CDH18: variants seen among roughly 807,000 people sequenced by gnomAD.
CDH18 encodes cadherin 18.
A neutral mutation model predicts 67.9 loss-of-function variants in CDH18; 31 were observed. The observed-to-expected ratio is 0.46, with a 90% CI of 0.34 to 0.62. The LOEUF (loss-of-function observed/expected upper bound fraction) is 0.62. Among genes scored for constraint, CDH18 ranks in the 20% least tolerant of loss-of-function variants. The pLI, the probability that CDH18 is intolerant of heterozygous loss-of-function variation, is 0.01. For missense variants in CDH18, 890 were observed against 975.5 expected (o/e 0.91, Z 1.17); for synonymous variants, 362 against 347.2 (o/e 1.04, Z -0.48).
At chr5:19,875,908 C>T (rs1014596527) in intron 2 of CDH18, among the ~76,000 whole-genome samples, 13 of 150,526 alleles carry the variant, frequency 8.6e-5, no homozygotes, top group Middle Eastern at 3.5e-3. Context: ...TTTTTTTATA[C>T]ACAGACTACA....
intron 1 of CDH18, among the ~76,000 whole-genome samples, chr5:20,539,812 A>C (rs986865766): frequency 2.0e-5 from 3 of 151,784 alleles, no homozygotes; most frequent in African/African-American, 7.3e-5. Flanking sequence ...CACAACCATG[A>C]AGTAATTTAC....
chr5:19,782,396 C>T (rs1007178626), intron 3 of CDH18, among the ~76,000 whole-genome samples: 1 of 152,132 alleles, frequency 6.6e-6, no homozygotes, highest in African/African-American at 2.4e-5. Context: ...ATGGAGATTA[C>T]AATTCACAGT....
intron 2 of CDH18, among the ~76,000 whole-genome samples, chr5:19,900,909 C>A (rs1314035440): frequency 2.0e-5 from 3 of 151,998 alleles, no homozygotes; most frequent in Non-Finnish European, 4.4e-5. Flanking sequence ...ACGAGCCTTC[C>A]AAGAATATCA....
chr5:19,551,399 A>G (rs1737425145), intron 8 of CDH18, among the ~76,000 whole-genome samples: 1 of 152,174 alleles, frequency 6.6e-6, no homozygotes, highest in African/African-American at 2.4e-5. Context: ...ATATCAAGCC[A>G]TAGTAAGATA....
chr5:20,552,941 GAC>G (rs1475813881), intron 1 of CDH18, among the ~76,000 whole-genome samples: 1 of 151,938 alleles, frequency 6.6e-6, no homozygotes, highest in Non-Finnish European at 1.5e-5. Flanking sequence ...TTTTAGTAGA[GAC>G]AGGGTTTCAC....
intron 1 of CDH18, among the ~76,000 whole-genome samples, chr5:20,557,191 A>T (rs1034402019): frequency 6.6e-6 from 1 of 152,174 alleles, no homozygotes; most frequent in Non-Finnish European, 1.5e-5. Context: ...TTTCACATAT[A>T]TAATAAGACA....
At chr5:20,075,009 A>T (rs1464656665) in intron 2 of CDH18, among the ~76,000 whole-genome samples, 1 of 152,198 alleles carries the variant, frequency 6.6e-6, no homozygotes, top group Non-Finnish European at 1.5e-5. Flanking sequence ...GTGATGAGAA[A>T]TTAGATGGAA....
In CDH18 at chr5:19,483,342, C is replaced by T; in HGVS notation, c.1841G>A (p.Gly614Glu). 6.2e-7 allele frequency: 1 copy of T among 1,614,062 alleles called. No homozygotes were observed. Among genetic ancestry groups the T allele is most frequent in the Admixed American group, 1.7e-5 (1 of 60,004 alleles). Residue 614 changes from glycine (G) to glutamate (E), a missense_variant, in exon 12 of 13, where the codon GGA (glycine) becomes GAA (glutamate). Physicochemically the swap from Gly to Glu is moderately conservative, Grantham distance 98 (BLOSUM62 -2). Coordinates refer to ENST00000382275, the MANE Select transcript of CDH18 (RefSeq NM_004934.5). The part of the protein sequence containing the change: ...AFLSSAGLST[G>E]ALIAILLCVL... The stretch of plus-strand genomic sequence containing the variant: ...ACAGAGAAGAATAGCGATTAAGGCT[C>T]CTGTACTCAAACCAGCCGAGGACAG...
intron 2 of CDH18, among the ~76,000 whole-genome samples, chr5:19,876,664 C>G (rs1458531517): frequency 8.3e-6 from 1 of 120,860 alleles, no homozygotes; most frequent in African/African-American, 3.2e-5. Flanking sequence ...ATCCAGGAAT[C>G]TTTAACTTTT....
rs113093535 is a variant in CDH18 at position 19,979,215 on chromosome 5, AGTGT to A, written c.-257+1841_-257+1844del. Among the ~76,000 whole-genome samples the A allele has an allele frequency of 8.6e-3, 1,258 of 147,020 alleles. 6 individuals are homozygous for A. Among genetic ancestry groups the A allele is most frequent in the Non-Finnish European group, 0.011 (722 of 65,800 alleles). On this transcript the variant is annotated intron_variant, in intron 2 of 12. Coordinates refer to ENST00000382275, the MANE Select transcript of CDH18 (RefSeq NM_004934.5). The stretch of plus-strand genomic sequence containing the variant: ...ATAAGGTGATTGTTGGTGGGGATGG[AGTGT>A]GTGTGTGTGTGTGTGTGTGTGTGTG...
intron 11 of CDH18, among the ~76,000 whole-genome samples, chr5:19,484,023 T>G (rs347750): frequency 1 from 152,281 of 152,314 alleles, 76,124 homozygotes; most frequent in Non-Finnish European, 1. Flanking sequence ...AACTGGTTTA[T>G]ATAATATTTC....
Position 19,838,791 on chromosome 5 carries a change from G to T in CDH18, c.196C>A (p.His66Asn). 6.2e-7 allele frequency: 1 copy of T among 1,613,460 alleles called. No individual in the cohort carries two copies. Among genetic ancestry groups the T allele is most frequent in the Middle Eastern group, 1.7e-4 (1 of 6,052 alleles). ...VWNQFFVLEE[H>N]MGPDPQYVGK... ...ACATACTGAGGATCTGGTCCCATAT[G>T]TTCTTCTAAAACAAAGAACTGATTC... is the stretch of plus-strand genomic sequence containing the variant. The change falls in exon 3 of 13, where the codon CAT becomes AAT. Residue 66 changes from histidine (H) to asparagine (N), a missense_variant. By Grantham distance (68) the His-to-Asn change is moderately conservative. Around this residue, in one of 2 missense-constraint regions of CDH18, gnomAD observed 234 missense variants for 307.4 expected, o/e 0.76. Transcript: ENST00000382275.
chr5:19,726,590 C>T (rs1766877662), intron 4 of CDH18, among the ~76,000 whole-genome samples: 2 of 152,074 alleles, frequency 1.3e-5, no homozygotes, highest in African/African-American at 4.8e-5. Context: ...AAATCTCTTG[C>T]CCTACTGTTC....
chr5:20,074,217 T>C (rs1271064539), intron 2 of CDH18, among the ~76,000 whole-genome samples: 1 of 152,176 alleles, frequency 6.6e-6, no homozygotes, highest in Non-Finnish European at 1.5e-5. Context: ...GCTGGAAATA[T>C]GGCTCATTCA....
chr5:19,516,163 G>A (rs540563281), intron 10 of CDH18, among the ~76,000 whole-genome samples: 97 of 152,150 alleles, frequency 6.4e-4, no homozygotes, highest in South Asian at 4.6e-3. Context: ...ATTGATTTGC[G>A]TAGGTTGAAC....
chr5:19,960,936 T>C (rs1222926557), intron 2 of CDH18, among the ~76,000 whole-genome samples: 2 of 151,138 alleles, frequency 1.3e-5, no homozygotes, highest in African/African-American at 2.4e-5. Context: ...AAGCATTATG[T>C]AGTGTACATA....
At chr5:20,159,269 A>G (rs1751793013) in intron 2 of CDH18, among the ~76,000 whole-genome samples, 1 of 152,176 alleles carries the variant, frequency 6.6e-6, no homozygotes, top group Admixed American at 6.5e-5. Flanking sequence ...GGGAGTTTGG[A>G]GGATGCTAAT....
At chr5:20,438,090 T>G (rs939343025) in intron 1 of CDH18, among the ~76,000 whole-genome samples, 23 of 151,274 alleles carry the variant, frequency 1.5e-4, no homozygotes, top group African/African-American at 5.1e-4. Context: ...TGCCTTAGTA[T>G]CAACATCTTC....
chr5:20,021,031 G>C (rs529599798), intron 2 of CDH18, among the ~76,000 whole-genome samples: 1 of 151,930 alleles, frequency 6.6e-6, no homozygotes, highest in Non-Finnish European at 1.5e-5. Context: ...CCCTTATCTC[G>C]GTGTTGCCTG....
Sources: allele counts gnomAD v4.1 joint callset (sites outside exome capture counted in the v4.1 genomes callset), GRCh38; gene constraint gnomAD v4.1.1; regional missense constraint gnomAD v4.1.1; transcripts MANE v1.5; gene names NCBI Gene and HGNC (gene_info 2026-07-23, HGNC 2026-07-21).